The following SSH2 variants were observed in gnomAD, a reference collection of about 807,000 sequenced individuals.
The protein encoded by SSH2 is protein phosphatase Slingshot homolog 2.
Under a neutral mutation model 135.2 loss-of-function variants are expected in SSH2, and 37 were observed. The ratio of observed to expected loss-of-function variants is 0.27; its 90% confidence interval spans 0.21 to 0.36. The LOEUF (loss-of-function observed/expected upper bound fraction) is 0.36, where lower values mean the gene tolerates loss of function less well. Ranked by LOEUF, SSH2 falls within the 10% of genes least tolerant of loss-of-function variation. The pLI, the probability that SSH2 is intolerant of heterozygous loss-of-function variation, is 1.00. For synonymous variants in SSH2, 628 were observed against 646.2 expected (o/e 0.97, Z 0.43); for missense variants, 1,408 against 1,765.3 (o/e 0.80, Z 3.63).
chr17:29,925,014 G>A (rs2067039277), intron 1 of SSH2, among the ~76,000 whole-genome samples: 1 of 152,124 alleles, frequency 6.6e-6, no homozygotes, highest in Admixed American at 6.6e-5. Context: ...TCACATCATG[G>A]AAAGAGATAT....
chr17:29,800,874 C>CT lies in SSH2; in HGVS notation c.145-6938dup, dbSNP rs1222100682. Among the ~76,000 whole-genome samples the CT allele has an allele frequency of 4.0e-3, 519 of 128,572 alleles. 3 individuals are homozygous for CT. Among genetic ancestry groups the CT allele is most frequent in the Non-Finnish European group, 4.6e-3 (283 of 61,112 alleles). The allele number at this position is 128,572 out of a possible 152,430, so 84.3% of individuals were successfully genotyped here. On this transcript the variant is annotated intron_variant, in intron 2 of 15. Coordinates refer to ENST00000540801, the MANE Select transcript of SSH2 (RefSeq NM_001282129.2). ...TAAGTCTTTTTTTCTTTTTTTTTTT[C>CT]TTTTTTTTTGAGACAGAGTCTCACT...
At chr17:29,831,510 G>C (rs1295822499) in intron 2 of SSH2, among the ~76,000 whole-genome samples, 1 of 151,432 alleles carries the variant, frequency 6.6e-6, no homozygotes, top group Non-Finnish European at 1.5e-5. Context: ...AATTTTCACT[G>C]TAAGATACCA....
chr17:29,658,867 CAAAAAAAAAAAAAA>C (rs541052752), intron 11 of SSH2, among the ~76,000 whole-genome samples: 1 of 33,410 alleles, frequency 3.0e-5, no homozygotes, highest in Admixed American at 3.1e-4. Flanking sequence ...AACTCCGTCT[CAAAAAAAAAAAAAA>C]AAAAAAAAAA....
chr17:29,741,285 A>G (rs1019579167), intron 3 of SSH2, among the ~76,000 whole-genome samples: 3 of 152,200 alleles, frequency 2.0e-5, no homozygotes, highest in Non-Finnish European at 2.9e-5. Context: ...GCAAACCAGC[A>G]ATCTGTATCA....
chr17:29,656,325 C>T (rs1160974641), intron 11 of SSH2, among the ~76,000 whole-genome samples: 7 of 152,006 alleles, frequency 4.6e-5, no homozygotes, highest in Non-Finnish European at 7.4e-5. Flanking sequence ...TACAGGTGCG[C>T]GCCACCATGC....
intron 2 of SSH2, among the ~76,000 whole-genome samples, chr17:29,837,535 C>T (rs575369803): frequency 6.6e-6 from 1 of 152,206 alleles, no homozygotes; most frequent in East Asian, 1.9e-4. Context: ...GCAGTGGTGG[C>T]GGTGGGACCC....
intron 1 of SSH2, chr17:29,856,170 C>T: frequency 6.6e-6 from 2 of 302,754 alleles, no homozygotes; most frequent in South Asian, 3.0e-5. Context: ...TATCTTAAGT[C>T]CAGAAAAATG....
In SSH2 at chr17:29,784,360, G is replaced by T. The variant is rs1458636060; in HGVS notation, c.188+9534C>A. On this transcript the variant is annotated intron_variant, in intron 3 of 15. Transcript: ENST00000540801. ...AGATTGTGCCATTGCATTCCACCCTGGGCGACAGACCAAGATTCCATCTCA... is the reference window on the plus strand; with the variant it reads ...AGATTGTGCCATTGCATTCCACCCTTGGCGACAGACCAAGATTCCATCTCA... 2.0e-5 allele frequency among the ~76,000 whole-genome samples: 3 copies of T among 148,806 alleles called. No homozygotes were observed. The East Asian group carries it at 5.9e-4, about 29-fold the overall frequency.
At chr17:29,850,031 A>G (rs973583086) in intron 1 of SSH2, among the ~76,000 whole-genome samples, 9 of 142,222 alleles carry the variant, frequency 6.3e-5, no homozygotes, top group Non-Finnish European at 9.3e-5. Flanking sequence ...CTCCATCTCA[A>G]AAAAAAAAAA....
chr17:29,860,578 G>C (rs62068629), intron 1 of SSH2, among the ~76,000 whole-genome samples: 62,914 of 151,048 alleles, frequency 0.42, 15,050 homozygotes, highest in East Asian at 0.69. Flanking sequence ...ATTACAGGAG[G>C]GTCCCACCAT....
intron 3 of SSH2, chr17:29,706,976 AC>A (rs1165310251): frequency 1.3e-5 from 2 of 152,028 alleles, no homozygotes; most frequent in Non-Finnish European, 2.9e-5. Context: ...ACACGGTGAA[AC>A]CCCGTCTCTA....
At chr17:29,813,395 G>C (rs1219201840) in intron 2 of SSH2, among the ~76,000 whole-genome samples, 1 of 151,928 alleles carries the variant, frequency 6.6e-6, no homozygotes, top group Non-Finnish European at 1.5e-5. Flanking sequence ...GCAAAGACTA[G>C]AAGCAGATAA....
intron 5 of SSH2, among the ~76,000 whole-genome samples, chr17:29,694,875 T>A: frequency 6.6e-6 from 1 of 152,190 alleles, no homozygotes; most frequent in African/African-American, 2.4e-5. Context: ...ATAATCATAA[T>A]AATAATCCCC....
chr17:29,826,399 C>T (rs1313875082), intron 2 of SSH2, among the ~76,000 whole-genome samples: 1 of 151,952 alleles, frequency 6.6e-6, no homozygotes, highest in African/African-American at 2.4e-5. Flanking sequence ...AGAAGGAGAA[C>T]CAAAAATATT....
chr17:29,713,574 G>A (rs1246201597), intron 3 of SSH2, among the ~76,000 whole-genome samples: 1 of 152,104 alleles, frequency 6.6e-6, no homozygotes, highest in South Asian at 2.1e-4. Context: ...GGAAGTAGTT[G>A]GGCCTAATTC....
At chr17:29,835,202 G>A (rs1296687414) in intron 2 of SSH2, among the ~76,000 whole-genome samples, 1 of 152,180 alleles carries the variant, frequency 6.6e-6, no homozygotes, top group Non-Finnish European at 1.5e-5. Context: ...CACTTCTACA[G>A]AATCTGACTA....
Position 29,680,551 on chromosome 17 carries a change from C to CAAAAAAAAAAAAAAAAAA in SSH2, c.480-2828_480-2811dup, listed in dbSNP as rs1160865828. On this transcript the variant is annotated intron_variant, in intron 6 of 15. Transcript: ENST00000540801. ...TGGGAGACACAGCAAGACTCCCTCT[C>CAAAAAAAAAAAAAAAAAA]AAAAAAAAAAAAAAAAAAAAAAAAA... 9.3e-5 allele frequency among the ~76,000 whole-genome samples: 2 copies of CAAAAAAAAAAAAAAAAAA among 21,520 alleles called. 1 individual carries two copies. Among genetic ancestry groups the CAAAAAAAAAAAAAAAAAA allele is most frequent in the African/African-American group, 3.7e-4 (2 of 5,400 alleles). 14.1% of individuals were successfully genotyped at this position (21,520 alleles called of 152,430 possible).
At chr17:29,729,769 A>G (rs1461279198) in intron 3 of SSH2, among the ~76,000 whole-genome samples, 1 of 152,198 alleles carries the variant, frequency 6.6e-6, no homozygotes, top group Non-Finnish European at 1.5e-5. Flanking sequence ...TGTTAAGTGA[A>G]ATAAGCCAGG....
At chr17:29,786,639 T>C (rs2041971482) in intron 3 of SSH2, among the ~76,000 whole-genome samples, 1 of 151,800 alleles carries the variant, frequency 6.6e-6, no homozygotes, top group African/African-American at 2.4e-5. Flanking sequence ...AAAAAAAAAA[T>C]ATTGCTGGAG....
Sources: gnomAD v4.1 joint callset for allele counts (sites outside exome capture counted in the v4.1 genomes callset) on GRCh38, gnomAD v4.1.1 for gene constraint, MANE v1.5 for transcripts, NCBI Gene and HGNC (gene_info 2026-07-23, HGNC 2026-07-21) for gene names.